Variants in NFIB observed in about 807,000 individuals in gnomAD.
NFIB encodes nuclear factor I B, also known as nuclear factor 1 B-type.
In NFIB, 11 loss-of-function variants were observed where a neutral mutation model predicts 61.5. The ratio of observed to expected loss-of-function variants is 0.18; its 90% confidence interval spans 0.11 to 0.30. The LOEUF is 0.30. Among genes scored for constraint, NFIB ranks in the 10% least tolerant of loss-of-function variants. The pLI, the probability that NFIB is intolerant of heterozygous loss-of-function variation, is 1.00. For missense variants in NFIB, 471 were observed against 608.9 expected (o/e 0.77, Z 2.38); for synonymous variants, 260 against 216.5 (o/e 1.20, Z -1.76).
intron 2 of NFIB, among the ~76,000 whole-genome samples, chr9:14,247,412 C>G (rs10961449): frequency 0.2 from 29,866 of 152,174 alleles, 3,107 homozygotes; most frequent in Middle Eastern, 0.24. Context: ...ATGCCCAGAA[C>G]AGGATTCTAA....
the NFIB span, among the ~76,000 whole-genome samples, chr9:14,465,234 A>C: frequency 6.6e-6 from 1 of 152,188 alleles, no homozygotes. Context: ...AAATGGAAGC[A>C]TTATCTCTGA....
chr9:14,240,371 G>A (rs2054230114), intron 2 of NFIB, among the ~76,000 whole-genome samples: 1 of 151,924 alleles, frequency 6.6e-6, no homozygotes, highest in Admixed American at 6.6e-5. Flanking sequence ...CATGCATAAT[G>A]CTTCCATTTT....
At chr9:14,454,642 C>T in the NFIB span, among the ~76,000 whole-genome samples, 1 of 152,198 alleles carries the variant, frequency 6.6e-6, no homozygotes, top group African/African-American at 2.4e-5. Flanking sequence ...TTTGTAAGCT[C>T]TGTAACATCA....
At chr9:14,506,204 T>C in the NFIB span, among the ~76,000 whole-genome samples, 1 of 152,226 alleles carries the variant, frequency 6.6e-6, no homozygotes, top group East Asian at 1.9e-4. Context: ...TTTATTACAA[T>C]TGACATAAGT....
chr9:14,125,884 T>C (rs980834666), intron 6 of NFIB, 118 bp from the exon 7 acceptor site: 1 of 1,347,174 alleles, frequency 7.4e-7, no homozygotes, highest in Non-Finnish European at 9.9e-7. Flanking sequence ...TTGGCTCTTT[T>C]ACAAAATATA....
chr9:14,110,100 C>A (rs1315128024), intron 10 of NFIB, among the ~76,000 whole-genome samples: 2 of 151,992 alleles, frequency 1.3e-5, no homozygotes, highest in African/African-American at 2.4e-5. Flanking sequence ...AGCTTTTCAT[C>A]TTAATTTGAT....
At chr9:14,156,798 G>A (rs374033026) in intron 3 of NFIB, among the ~76,000 whole-genome samples, 8 of 152,296 alleles carry the variant, frequency 5.3e-5, no homozygotes, top group South Asian at 2.1e-4. Context: ...ACTTGCTTCT[G>A]TCCTAGGGTG....
intron 2 of NFIB, among the ~76,000 whole-genome samples, chr9:14,303,360 C>T (rs1171829821): frequency 6.6e-6 from 1 of 152,186 alleles, no homozygotes; most frequent in African/African-American, 2.4e-5. Flanking sequence ...CTGTGCTGTG[C>T]AAGGCTTGCC....
At chr9:14,401,582 T>C (rs1375215215), upstream of NFIB, among the ~76,000 whole-genome samples, 1 of 152,224 alleles carries the variant, frequency 6.6e-6, no homozygotes, top group Non-Finnish European at 1.5e-5. Flanking sequence ...AAGTTAAGTA[T>C]TCTATATTCC....
chr9:14,348,534 G>C (rs948479042), intron 1 of NFIB, among the ~76,000 whole-genome samples: 7 of 152,164 alleles, frequency 4.6e-5, no homozygotes, highest in Non-Finnish European at 1.5e-5. Context: ...TCAGTGCTTC[G>C]GCTCCAGTTT....
At chr9:14,509,448 T>G in the NFIB span, among the ~76,000 whole-genome samples, 6 of 152,236 alleles carry the variant, frequency 3.9e-5, no homozygotes, top group African/African-American at 1.2e-4. Context: ...AAAACTTCAA[T>G]GGTGAAAAAC....
At chr9:14,142,838 G>A (rs910427919) in intron 6 of NFIB, among the ~76,000 whole-genome samples, 1 of 152,140 alleles carries the variant, frequency 6.6e-6, no homozygotes, top group African/African-American at 2.4e-5. Flanking sequence ...AGGAGTTTAA[G>A]ACCAGGATTT....
chr9:14,502,104 G>C, the NFIB span, among the ~76,000 whole-genome samples: 1 of 152,174 alleles, frequency 6.6e-6, no homozygotes, highest in Non-Finnish European at 1.5e-5. Flanking sequence ...TCAGAATCCA[G>C]CACTTAATTG....
the NFIB span, among the ~76,000 whole-genome samples, chr9:14,522,204 G>A: frequency 5.9e-5 from 9 of 152,154 alleles, no homozygotes; most frequent in Non-Finnish European, 1.2e-4. Flanking sequence ...ACATCTGTGC[G>A]AAGGTCCCAA....
At chr9:14,158,241 C>G (rs191980634) in intron 3 of NFIB, among the ~76,000 whole-genome samples, 1 of 152,082 alleles carries the variant, frequency 6.6e-6, no homozygotes, top group African/African-American at 2.4e-5. Flanking sequence ...AATGCCTACC[C>G]TTCATATCTT....
chr9:14,242,373 A>G (rs1214824606), intron 2 of NFIB, among the ~76,000 whole-genome samples: 1 of 152,214 alleles, frequency 6.6e-6, no homozygotes, highest in Non-Finnish European at 1.5e-5. Flanking sequence ...CAGACTTACA[A>G]AAGTTATTGC....
At chr9:14,355,046 G>C (rs1305350093) in intron 1 of NFIB, among the ~76,000 whole-genome samples, 1 of 152,192 alleles carries the variant, frequency 6.6e-6, no homozygotes, top group Non-Finnish European at 1.5e-5. Flanking sequence ...GATGCTGTGT[G>C]TGTGTGAGCA....
In NFIB at chr9:14,083,506, C is replaced by G. The variant is rs878993533; in HGVS notation, c.*4803G>C. The G allele has an allele frequency of 5.8e-6, 1 of 172,912 alleles. No individual in the cohort carries two copies. 10.7% of individuals were successfully genotyped at this position (172,912 alleles called of 1,614,324 possible). A position where few individuals can be genotyped will look rare whatever the true frequency, so the allele number is the denominator to read the frequency against. On this transcript the variant is annotated 3_prime_UTR_variant, in exon 11 of 11. Coordinates refer to ENST00000380953, the MANE Select transcript of NFIB (RefSeq NM_001190737.2). ...AAAAAAAAAAAAAAAAAAAAGTTTT[C>G]TATAGAAACCCAATTTCTTAAAGTC...
chr9:14,429,023 A>T, the NFIB span, among the ~76,000 whole-genome samples: 1 of 152,144 alleles, frequency 6.6e-6, no homozygotes, highest in Admixed American at 6.5e-5. Context: ...CTCTTTGCTT[A>T]TTATCAGAGG....
Sources: allele counts gnomAD v4.1 joint callset (sites outside exome capture counted in the v4.1 genomes callset), GRCh38; gene constraint gnomAD v4.1.1; transcripts MANE v1.5; gene names NCBI Gene and HGNC (gene_info 2026-07-23, HGNC 2026-07-21).